PPP1CC: variants seen among roughly 807,000 people sequenced by gnomAD.
PPP1CC encodes protein phosphatase 1 catalytic subunit gamma.
PPP1CC carries 16 observed loss-of-function variants against 38.4 expected under a neutral mutation model. The ratio of observed to expected loss-of-function variants is 0.42; its 90% CI spans 0.28 to 0.63. PPP1CC has a LOEUF of 0.63. PPP1CC is among the 30% of genes least tolerant of loss of function. The pLI, the probability that PPP1CC is intolerant of heterozygous loss-of-function variation, is 0.25. For missense variants in PPP1CC, 170 were observed against 391.3 expected (o/e 0.43, Z 4.77); for synonymous variants, 158 against 136.0 (o/e 1.16, Z -1.13).
intron 3 of PPP1CC, among the ~76,000 whole-genome samples, chr12:110,726,897 C>A (rs953547188): frequency 2.0e-5 from 3 of 152,176 alleles, no homozygotes; most frequent in African/African-American, 7.2e-5. Flanking sequence ...TGTCTTAGCT[C>A]CCCAGTGACA....
At chr12:110,719,098 T>A (rs902758857), downstream of PPP1CC, among the ~76,000 whole-genome samples, 1 of 152,192 alleles carries the variant, frequency 6.6e-6, no homozygotes, top group African/African-American at 2.4e-5. Flanking sequence ...ATTCAGGACA[T>A]AAAGATGTGC....
downstream of PPP1CC, among the ~76,000 whole-genome samples, chr12:110,715,684 T>A (rs1049725447): frequency 2.0e-5 from 3 of 152,096 alleles, no homozygotes; most frequent in African/African-American, 7.3e-5. Flanking sequence ...AATGGTGCGA[T>A]CTCAGCTCAC....
Position 110,722,269 on chromosome 12 carries a change from CCT to C in PPP1CC, c.748-2_748-1del, listed in dbSNP as rs1311652136. The C allele has an allele frequency of 6.2e-7, 1 of 1,612,928 alleles. No homozygotes were observed. Among genetic ancestry groups the C allele is most frequent in the South Asian group, 1.1e-5 (1 of 90,946 alleles). ...AAAAATTCATATCCATCTTCAACCA[CCT>C]TGAAGAGAAAATTTTTTCAATATAA... On this transcript the variant is annotated splice_acceptor_variant, in intron 5 of 6. Coordinates refer to ENST00000335007, the MANE Select transcript of PPP1CC (RefSeq NM_002710.4). LOFTEE classifies it high-confidence loss of function. The surrounding 1 kb of genome is among the most constrained non-coding windows in gnomAD (Gnocchi z 5.4).
At chr12:110,732,786 T>C (rs1223070269) in intron 1 of PPP1CC, 1 of 152,202 alleles carries the variant, frequency 6.6e-6, no homozygotes, top group Admixed American at 6.5e-5. Flanking sequence ...TCTATCAAAG[T>C]ACAAACTTTG....
At chr12:110,714,219 C>G in the PPP1CC span, among the ~76,000 whole-genome samples, 1 of 152,012 alleles carries the variant, frequency 6.6e-6, no homozygotes, top group Non-Finnish European at 1.5e-5. Flanking sequence ...AAATGTGCAC[C>G]CAATGAGTAA....
Position 110,720,092 on chromosome 12 carries a change from C to T in PPP1CC, c.*984G>A, listed in dbSNP as rs1439128151. 1.3e-6 allele frequency: 2 copies of T among 1,504,358 alleles called. No homozygotes were observed. Among genetic ancestry groups the T allele is most frequent in the African/African-American group, 1.4e-5 (1 of 72,498 alleles). 93.2% of individuals were successfully genotyped at this position (1,504,358 alleles called of 1,614,324 possible). On this transcript the variant is annotated 3_prime_UTR_variant, in exon 7 of 7. Coordinates refer to ENST00000335007, the MANE Select transcript of PPP1CC (RefSeq NM_002710.4). ...TGTTTTAACTTATAAGCCTCAACTT[C>T]ACCGCAGAATAAAGAATGTAGGCCA... is the stretch of plus-strand genomic sequence containing the variant.
chr12:110,717,820 T>G (rs2069699525), downstream of PPP1CC, among the ~76,000 whole-genome samples: 1 of 152,192 alleles, frequency 6.6e-6, no homozygotes, highest in Non-Finnish European at 1.5e-5. Context: ...AGGTGATACT[T>G]GGATTACATG....
chr12:110,723,803 G>A (rs951064097), intron 4 of PPP1CC, among the ~76,000 whole-genome samples: 1 of 152,060 alleles, frequency 6.6e-6, no homozygotes, highest in Non-Finnish European at 1.5e-5. Context: ...GAGCCACTAT[G>A]CCTGGCCAAA....
At chr12:110,709,323 G>A in the PPP1CC span, among the ~76,000 whole-genome samples, 3 of 150,566 alleles carry the variant, frequency 2.0e-5, no homozygotes, top group Non-Finnish European at 3.0e-5. Context: ...TCCACCTCCC[G>A]GGTTCAAGCA....
At position 110,722,095 on chromosome 12, in the gene PPP1CC, A is replaced by G. The variant is rs778444039; in HGVS notation, c.882+40T>C. 3.1e-6 allele frequency: 5 copies of G among 1,611,028 alleles called. No homozygotes were observed. Among genetic ancestry groups the G allele is most frequent in the Middle Eastern group, 1.6e-4 (1 of 6,082 alleles). ...TTATATTTTTCAATCAGCAAAGTGT[A>G]AACATATTAAAAGGAAATCATGTTG... is the stretch of plus-strand genomic sequence containing the variant. On this transcript the variant is annotated intron_variant, in intron 6 of 6. Coordinates refer to ENST00000335007, the MANE Select transcript of PPP1CC (RefSeq NM_002710.4). The surrounding 1 kb of genome is among the most constrained non-coding windows in gnomAD (Gnocchi z 5.4).
At chr12:110,740,721 G>GT (rs2070008370) in intron 1 of PPP1CC, among the ~76,000 whole-genome samples, 1 of 152,186 alleles carries the variant, frequency 6.6e-6, no homozygotes, top group Non-Finnish European at 1.5e-5. Context: ...CATTTTAGAT[G>GT]TATCATTACT....
intron 3 of PPP1CC, among the ~76,000 whole-genome samples, chr12:110,728,241 T>TA (rs1429343448): frequency 6.6e-6 from 1 of 150,940 alleles, no homozygotes; most frequent in Non-Finnish European, 1.5e-5. Flanking sequence ...CTACTAAAAA[T>TA]ACAAAAAATT....
chr12:110,728,746 C>T lies in PPP1CC; in HGVS notation c.418+1783G>A, dbSNP rs959060640. Among the ~76,000 whole-genome samples the T allele has an allele frequency of 3.9e-5, 6 of 152,316 alleles. No homozygotes were observed. The South Asian group carries it at 1.2e-3, about 32-fold the overall frequency. On this transcript the variant is annotated intron_variant, in intron 3 of 6. Transcript: ENST00000335007. The stretch of plus-strand genomic sequence containing the variant: ...CATGTACAAGTTCAATGCTATCAGT[C>T]AGTCCAGAACCCATAGAATTTTTGT...
At chr12:110,717,709 C>T (rs2069698680), downstream of PPP1CC, among the ~76,000 whole-genome samples, 2 of 152,150 alleles carry the variant, frequency 1.3e-5, no homozygotes, top group Non-Finnish European at 2.9e-5. Context: ...AACCCACTTT[C>T]TGGAAGTTTT....
Position 110,722,801 on chromosome 12 carries a change from T to C in PPP1CC, c.524-106A>G. Reference sequence around the variant, plus strand: ...ACAGAGAAATTCAATAATCCTGACATAAAAACTGAAATCTATGATTATATT... The same window carrying C: ...ACAGAGAAATTCAATAATCCTGACACAAAAACTGAAATCTATGATTATATT... On this transcript the variant is annotated intron_variant, in intron 4 of 6. Coordinates refer to ENST00000335007, the MANE Select transcript of PPP1CC (RefSeq NM_002710.4). The surrounding 1 kb of genome is among the most constrained non-coding windows in gnomAD (Gnocchi z 5.4). The C allele has an allele frequency of 2.4e-6, 2 of 833,356 alleles. No homozygotes were observed. The highest frequency in any genetic ancestry group is 1.9e-5 in the South Asian group (1 of 52,172). 51.6% of individuals were successfully genotyped at this position (833,356 alleles called of 1,614,324 possible). A position where few individuals can be genotyped will look rare whatever the true frequency, so the allele number is the denominator to read the frequency against.
At chr12:110,733,876 C>T (rs1186503465) in intron 1 of PPP1CC, among the ~76,000 whole-genome samples, 3 of 152,194 alleles carry the variant, frequency 2.0e-5, no homozygotes, top group Non-Finnish European at 4.4e-5. Flanking sequence ...CATCAACAAA[C>T]ATGGTCTGAA....
chr12:110,731,992 T>C, intron 1 of PPP1CC, 91 bp from the exon 2 acceptor site: 1 of 1,424,888 alleles, frequency 7.0e-7, no homozygotes, highest in Non-Finnish European at 9.6e-7. Flanking sequence ...ATGGTTTAAC[T>C]AGCTTTCTGA....
At chr12:110,740,436 A>G (rs955153207) in intron 1 of PPP1CC, among the ~76,000 whole-genome samples, 14 of 152,150 alleles carry the variant, frequency 9.2e-5, no homozygotes, top group African/African-American at 3.4e-4. Context: ...TAAATTATTA[A>G]ATTTAATTTT....
chr12:110,730,710 A>C lies in PPP1CC; in HGVS notation c.237T>G (p.Gly79=). 1 of 1,613,946 alleles carries C rather than the reference A, an allele frequency of 6.2e-7. No homozygotes were observed. Among genetic ancestry groups the C allele is most frequent in the Non-Finnish European group, 8.5e-7 (1 of 1,179,972 alleles). ...GGTAGTTGCTTTCTGGTGGGAAACC[A>C]CCGTACTCAAAAAGTCGCAGCAAAT... ...YYDLLRLFEY[G]GFPPESNYLF... is the part of the protein sequence containing the mutation. Residue 79 remains glycine, a synonymous_variant, in exon 3 of 7, where the codon GGT becomes GGG. Transcript: ENST00000335007.
Sources: allele counts gnomAD v4.1 joint callset (sites outside exome capture counted in the v4.1 genomes callset), GRCh38; gene constraint gnomAD v4.1.1; non-coding constraint Gnocchi (gnomAD v3.1); transcripts MANE v1.5; gene names NCBI Gene and HGNC (gene_info 2026-07-23, HGNC 2026-07-21).